The following WASHC3 variants were observed in gnomAD, a reference collection of about 807,000 sequenced individuals.
WASHC3 encodes WASH complex subunit CCDC53.
In WASHC3, 24 loss-of-function variants were observed where a neutral mutation model predicts 26.1. The ratio of observed to expected loss-of-function variants is 0.92; its 90% CI spans 0.66 to 1.29. WASHC3 has a LOEUF of 1.29. Among genes scored for constraint, WASHC3 ranks in the 50% most tolerant of loss-of-function variants. The probability of loss-of-function intolerance (pLI) is 0.00; values close to 1 mark genes in which losing one functional copy is unlikely to be tolerated. For synonymous variants in WASHC3, 77 were observed against 75.7 expected, an observed-to-expected ratio of 1.02 and a Z score of -0.09; for missense variants, 214 against 229.6, an observed-to-expected ratio of 0.93 and a Z score of 0.44.
At chr12:102,038,553 T>G (rs115529850) in intron 5 of WASHC3, among the ~76,000 whole-genome samples, 4,673 of 152,188 alleles carry the variant, frequency 0.031, 236 homozygotes, top group African/African-American at 0.11. Context: ...TGTTGTTGTT[T>G]TTTAACAAGT....
intron 2 of WASHC3, among the ~76,000 whole-genome samples, chr12:102,050,911 C>T (rs767471578): frequency 6.6e-6 from 1 of 152,208 alleles, no homozygotes; most frequent in Non-Finnish European, 1.5e-5. Flanking sequence ...GAGGAGATGA[C>T]CCTAAGTACC....
chr12:102,036,535 T>C lies in WASHC3; in HGVS notation c.435+3333A>G, dbSNP rs767397622. On this transcript the variant is annotated intron_variant, in intron 5 of 6. Coordinates refer to ENST00000240079, the MANE Select transcript of WASHC3 (RefSeq NM_016053.4). Reference sequence around the variant, plus strand: ...GGCAGTTTGATGTAGCTCCCCACTTTCTTCTTGAAAATCACCCCTAAACAA... The same window carrying C: ...GGCAGTTTGATGTAGCTCCCCACTTCCTTCTTGAAAATCACCCCTAAACAA... Among the ~76,000 whole-genome samples the C allele has an allele frequency of 2.0e-5, 3 of 152,140 alleles. No homozygotes were observed. In the East Asian group the frequency reaches 5.8e-4, roughly 29 times the overall value.
At chr12:102,031,476 C>T (rs1006703088) in intron 5 of WASHC3, among the ~76,000 whole-genome samples, 12 of 152,134 alleles carry the variant, frequency 7.9e-5, no homozygotes, top group African/African-American at 2.9e-4. Flanking sequence ...TGTAGTCAGA[C>T]CTGCCTAACT....
intron 6 of WASHC3, among the ~76,000 whole-genome samples, chr12:102,024,840 C>T (rs967478080): frequency 6.6e-6 from 1 of 152,084 alleles, no homozygotes; most frequent in African/African-American, 2.4e-5. Context: ...GTCTGATTCA[C>T]ATTAAAATAC....
chr12:102,022,838 C>T (rs763216482), intron 6 of WASHC3, among the ~76,000 whole-genome samples: 9 of 152,134 alleles, frequency 5.9e-5, no homozygotes, highest in Middle Eastern at 3.4e-3. Flanking sequence ...ATATTTAAGG[C>T]GCGATATACC....
intron 5 of WASHC3, among the ~76,000 whole-genome samples, chr12:102,030,235 C>T (rs182431254): frequency 3.5e-4 from 51 of 146,330 alleles, no homozygotes; most frequent in African/African-American, 1.2e-3. Context: ...GCGGAGGTTG[C>T]GGTGAGCCAA....
At chr12:102,042,727 A>G (rs1368521404) in intron 4 of WASHC3, among the ~76,000 whole-genome samples, 1 of 152,202 alleles carries the variant, frequency 6.6e-6, no homozygotes, top group Non-Finnish European at 1.5e-5. Flanking sequence ...CATCACTGTC[A>G]ACATCATCGT....
Position 102,012,929 on chromosome 12 carries a change from C to T in WASHC3, c.*179G>A. The T allele has an allele frequency of 2.2e-6, 1 of 463,742 alleles. No homozygotes were observed. The highest frequency in any genetic ancestry group is 3.8e-6 in the Non-Finnish European group (1 of 264,530). The allele number at this position is 463,742 out of a possible 1,614,324, so 28.7% of individuals were successfully genotyped here. Reference sequence around the variant, plus strand: ...TTCATTTTGAGGCCCTTTATTTTAGCAACAAGACATACTGGCAGGTTAAAA... The same window carrying T: ...TTCATTTTGAGGCCCTTTATTTTAGTAACAAGACATACTGGCAGGTTAAAA... On this transcript the variant is annotated 3_prime_UTR_variant, in exon 7 of 7. Coordinates refer to ENST00000240079, the MANE Select transcript of WASHC3 (RefSeq NM_016053.4).
At chr12:102,044,778 A>C (rs970047511) in intron 3 of WASHC3, among the ~76,000 whole-genome samples, 1 of 152,126 alleles carries the variant, frequency 6.6e-6, no homozygotes, top group Admixed American at 6.5e-5. Context: ...TGTTTCTTCT[A>C]TGCAAAAAAA....
chr12:102,013,544 C>T (rs947938910), intron 6 of WASHC3, among the ~76,000 whole-genome samples: 3 of 152,012 alleles, frequency 2.0e-5, no homozygotes, highest in Non-Finnish European at 4.4e-5. Flanking sequence ...TCCAAGTGTA[C>T]ATGAGGTACA....
At chr12:102,037,059 C>T (rs1454428342) in intron 5 of WASHC3, among the ~76,000 whole-genome samples, 1 of 151,992 alleles carries the variant, frequency 6.6e-6, no homozygotes, top group African/African-American at 2.4e-5. Context: ...AATACATATG[C>T]TGTATGTACC....
At chr12:102,025,532 C>T (rs1877140665) in intron 6 of WASHC3, among the ~76,000 whole-genome samples, 1 of 151,764 alleles carries the variant, frequency 6.6e-6, no homozygotes, top group African/African-American at 2.4e-5. Flanking sequence ...TCTGGCTTAA[C>T]CTAGATTATA....
intron 6 of WASHC3, among the ~76,000 whole-genome samples, chr12:102,020,908 C>T (rs1565810999): frequency 6.6e-6 from 1 of 152,088 alleles, no homozygotes; most frequent in Non-Finnish European, 1.5e-5. Context: ...ATGGTGAAAC[C>T]CTGTCTCTAC....
At chr12:102,021,805 G>C (rs1876971115) in intron 6 of WASHC3, among the ~76,000 whole-genome samples, 1 of 151,588 alleles carries the variant, frequency 6.6e-6, no homozygotes. Flanking sequence ...TGATCTTAGA[G>C]GGCAGGAAAA....
intron 4 of WASHC3, chr12:102,040,515 T>A (rs1298941507): frequency 6.6e-6 from 1 of 152,068 alleles, no homozygotes; most frequent in Non-Finnish European, 1.5e-5. Flanking sequence ...GAGAAGCCAG[T>A]TTGTCAGACA....
intron 2 of WASHC3, among the ~76,000 whole-genome samples, chr12:102,060,269 G>A (rs1878749254): frequency 6.6e-6 from 1 of 152,144 alleles, no homozygotes; most frequent in African/African-American, 2.4e-5. Flanking sequence ...TTAAAAGACA[G>A]GGATTCCCTG....
At chr12:102,035,262 GA>G (rs1219203536) in intron 5 of WASHC3, among the ~76,000 whole-genome samples, 1 of 152,102 alleles carries the variant, frequency 6.6e-6, no homozygotes, top group African/African-American at 2.4e-5. Context: ...AGGGAGCAAT[GA>G]GGCAAACATG....
chr12:102,030,238 T>C (rs911294098), intron 5 of WASHC3, among the ~76,000 whole-genome samples: 5 of 146,270 alleles, frequency 3.4e-5, no homozygotes, highest in African/African-American at 5.1e-5. Flanking sequence ...GAGGTTGCGG[T>C]GAGCCAAGAT....
At chr12:102,062,016 G>T, upstream of WASHC3, 7 of 1,474,948 alleles carry the variant, frequency 4.7e-6, no homozygotes, top group Non-Finnish European at 6.5e-6. Context: ...CCCAGATGGG[G>T]CCCGCCCAAC....
Sources: gnomAD v4.1 joint callset for allele counts (sites outside exome capture counted in the v4.1 genomes callset) on GRCh38, gnomAD v4.1.1 for gene constraint, MANE v1.5 for transcripts, NCBI Gene and HGNC (gene_info 2026-07-23, HGNC 2026-07-21) for gene names.